The following MBD5 variants were observed in gnomAD, a reference collection of about 807,000 sequenced individuals.
The protein encoded by MBD5 is methyl-CpG binding domain protein 5, also known as methyl-CpG-binding domain protein 5.
In MBD5, 13 loss-of-function variants were observed where a neutral mutation model predicts 117.3. The observed-to-expected ratio is 0.11, with a 90% CI of 0.07 to 0.18. The LOEUF (loss-of-function observed/expected upper bound fraction) is 0.18. MBD5 is among the 10% of genes least tolerant of loss of function. The pLI, the probability that MBD5 is intolerant of heterozygous loss-of-function variation, is 1.00. For missense variants in MBD5, 1,879 were observed against 2,093.8 expected, an observed-to-expected ratio of 0.90 and a Z score of 2.00; for synonymous variants, 727 against 766.4, an observed-to-expected ratio of 0.95 and a Z score of 0.85.
At position 148,341,500 on chromosome 2, in the gene MBD5, T is replaced by TTA. The variant is rs530815663; in HGVS notation, c.-679-711_-679-710dup. ...GGATTAAATTAGGTGATATTGCCAA[T>TTA]TATAAAGGCTATATAGAGATATTTT... On this transcript the variant is annotated intron_variant, in intron 3 of 13. Transcript: ENST00000642680. Among the ~76,000 whole-genome samples the TTA allele has an allele frequency of 7.0e-4, 106 of 152,204 alleles. No individual in the cohort carries two copies. The Middle Eastern group carries it at 0.014, about 20-fold the overall frequency.
rs1395537240 is a variant in MBD5, at chr2:148,397,647, TA to T, written c.-557+55312del. 5.3e-4 allele frequency among the ~76,000 whole-genome samples: 81 copies of T among 152,210 alleles called. 1 individual carries two copies. The highest frequency in any genetic ancestry group is 1.8e-3 in the African/African-American group (75 of 41,562). ...CCCAGCCTGATCCTTATATTTTATT[TA>T]TTTTATTTTATTTTTTATTATACTT... On this transcript the variant is annotated intron_variant, in intron 4 of 13. Transcript: ENST00000642680.
intron 11 of MBD5, among the ~76,000 whole-genome samples, chr2:148,494,803 A>G (rs1681647177): frequency 6.6e-6 from 1 of 152,078 alleles, no homozygotes; most frequent in African/African-American, 2.4e-5. Context: ...CTACTAAAAA[A>G]TACAAAAGAA....
At chr2:148,390,033 T>C (rs1704517777) in intron 4 of MBD5, among the ~76,000 whole-genome samples, 1 of 152,230 alleles carries the variant, frequency 6.6e-6, no homozygotes, top group African/African-American at 2.4e-5. Flanking sequence ...TAGGTTTTCT[T>C]CTAGAATTTC....
At chr2:148,129,175 G>A (rs956219062) in intron 1 of MBD5, among the ~76,000 whole-genome samples, 1 of 152,096 alleles carries the variant, frequency 6.6e-6, no homozygotes, top group Non-Finnish European at 1.5e-5. Flanking sequence ...GATGTCTGAG[G>A]GAAACTTAAG....
intron 2 of MBD5, among the ~76,000 whole-genome samples, chr2:148,199,546 A>G (rs1031300065): frequency 5.3e-5 from 8 of 152,136 alleles, no homozygotes; most frequent in Admixed American, 4.6e-4. Context: ...AGGTGGATGG[A>G]TCACTTGAGG....
intron 4 of MBD5, among the ~76,000 whole-genome samples, chr2:148,389,251 CATATATATATATAT>C (rs70995314): frequency 0.043 from 1,391 of 32,334 alleles, 101 homozygotes; most frequent in Non-Finnish European, 0.047. Flanking sequence ...GAAAAAAAAA[CATATATATATATAT>C]ATATATATAT....
chr2:148,497,402 A>T (rs1681735499), intron 11 of MBD5, among the ~76,000 whole-genome samples: 1 of 152,292 alleles, frequency 6.6e-6, no homozygotes, highest in East Asian at 1.9e-4. Flanking sequence ...AAATATGCAA[A>T]GGAGGCCAGG....
At chr2:148,043,929 A>C (rs1029887377) in intron 1 of MBD5, among the ~76,000 whole-genome samples, 1 of 152,230 alleles carries the variant, frequency 6.6e-6, no homozygotes, top group African/African-American at 2.4e-5. Flanking sequence ...ATTTTCAATT[A>C]TAGCTACTTG....
chr2:148,023,972 T>C (rs1211504335), intron 1 of MBD5, among the ~76,000 whole-genome samples: 2 of 152,084 alleles, frequency 1.3e-5, no homozygotes, highest in African/African-American at 4.8e-5. Flanking sequence ...ACTCTACCTA[T>C]TGCTGAAGTT....
rs202062290 is a variant in MBD5, at chr2:148,394,730, A to C, written c.-557+52394A>C. 2.9e-3 allele frequency among the ~76,000 whole-genome samples: 439 copies of C among 151,248 alleles called. 18 individuals carry two copies. The East Asian group carries it at 0.076, about 26-fold the overall frequency. On this transcript the variant is annotated intron_variant, in intron 4 of 13. Transcript: ENST00000642680. ...CTGTTCTCAATTTCATTCTGTCTTTATATTTATTATTTCCTTCCTTGTTTC... is the reference window on the plus strand; with the variant it reads ...CTGTTCTCAATTTCATTCTGTCTTTCTATTTATTATTTCCTTCCTTGTTTC...
At chr2:148,152,612 T>G (rs1449288546) in intron 1 of MBD5, among the ~76,000 whole-genome samples, 4 of 152,190 alleles carry the variant, frequency 2.6e-5, no homozygotes, top group African/African-American at 9.7e-5. Context: ...GCTTTATGAA[T>G]CTGGATGCTC....
chr2:148,326,166 T>G (rs556039537), intron 3 of MBD5, among the ~76,000 whole-genome samples: 1 of 152,366 alleles, frequency 6.6e-6, no homozygotes, highest in East Asian at 1.9e-4. Flanking sequence ...TTCTTAATCC[T>G]GAGTTCTAGT....
intron 1 of MBD5, among the ~76,000 whole-genome samples, chr2:148,069,312 A>G (rs563843317): frequency 7.2e-5 from 11 of 152,274 alleles, no homozygotes; most frequent in Non-Finnish European, 1.6e-4. Context: ...CACTTGATCC[A>G]TCTTGAATTT....
rs1362951810 is a variant in MBD5 at position 148,021,498 on chromosome 2, A to ACTGCTG, written c.-1102_-1097dup. ...TGCTGCTGTTGCTGCTGCTGCTGCT[A>ACTGCTG]CTGCTGCTGCTGCTACTGCTGCTGC... On this transcript the variant is annotated 5_prime_UTR_variant, in exon 1 of 14. Transcript: ENST00000642680. 7.2e-4 allele frequency: 408 copies of ACTGCTG among 570,500 alleles called. 4 individuals are homozygous for ACTGCTG. Among genetic ancestry groups the ACTGCTG allele is most frequent in the South Asian group, 5.9e-3 (388 of 65,590 alleles). The allele number at this position is 570,500 out of a possible 1,614,324, so 35.3% of individuals were successfully genotyped here.
intron 4 of MBD5, among the ~76,000 whole-genome samples, chr2:148,410,929 G>A (rs992081260): frequency 5.9e-5 from 9 of 152,104 alleles, no homozygotes; most frequent in Admixed American, 4.6e-4. Context: ...ATGTTACAGG[G>A]AGTTGGTGTA....
chr2:148,259,367 G>A (rs1015550500), intron 3 of MBD5, among the ~76,000 whole-genome samples: 1 of 152,166 alleles, frequency 6.6e-6, no homozygotes, highest in Non-Finnish European at 1.5e-5. Flanking sequence ...AGCTGCTTCA[G>A]CATATTCTCC....
intron 4 of MBD5, among the ~76,000 whole-genome samples, chr2:148,384,021 A>T (rs1704254243): frequency 6.6e-6 from 1 of 151,790 alleles, no homozygotes; most frequent in African/African-American, 2.4e-5. Context: ...ATGGACAAAA[A>T]CTGGAAGCAT....
intron 4 of MBD5, among the ~76,000 whole-genome samples, chr2:148,372,242 C>T (rs1343953843): frequency 6.6e-6 from 1 of 152,076 alleles, no homozygotes; most frequent in Non-Finnish European, 1.5e-5. Context: ...ATTACCAATA[C>T]ACTGAATGAC....
At chr2:148,351,742 C>T (rs562720258) in intron 4 of MBD5, among the ~76,000 whole-genome samples, 2 of 152,214 alleles carry the variant, frequency 1.3e-5, no homozygotes, top group East Asian at 3.9e-4. Context: ...TAATCCCACA[C>T]TTGCTGCCAA....
Sources: gnomAD v4.1 joint callset for allele counts (sites outside exome capture counted in the v4.1 genomes callset) on GRCh38, gnomAD v4.1.1 for gene constraint, MANE v1.5 for transcripts, NCBI Gene and HGNC (gene_info 2026-07-23, HGNC 2026-07-21) for gene names.